ZSCAN5A: variants seen among roughly 807,000 people sequenced by gnomAD.
The protein encoded by ZSCAN5A is zinc finger and SCAN domain-containing protein 5A.
ZSCAN5A carries 12 observed loss-of-function variants against 23.7 expected under a neutral mutation model. That is an observed-to-expected ratio of 0.51 (90% CI 0.32 to 0.82). ZSCAN5A has a LOEUF of 0.82. Among genes scored for constraint, ZSCAN5A ranks in the 40% least tolerant of loss-of-function variants. The pLI is 0.03. For synonymous variants in ZSCAN5A, 257 were observed against 239.9 expected (o/e 1.07, Z -0.66); for missense variants, 597 against 617.9 (o/e 0.97, Z 0.36).
intron 2 of ZSCAN5A, among the ~76,000 whole-genome samples, chr19:56,359,776 A>G (rs1310517718): frequency 2.0e-5 from 3 of 152,230 alleles, no homozygotes; most frequent in Non-Finnish European, 4.4e-5. Flanking sequence ...GGTTCAATAC[A>G]TGAAATCAAT....
chr19:56,309,211 A>G (rs1035804142), intron 2 of ZSCAN5A, among the ~76,000 whole-genome samples: 3 of 152,248 alleles, frequency 2.0e-5, no homozygotes, highest in Non-Finnish European at 2.9e-5. Context: ...AAGATCACAC[A>G]GTAGATGATG....
Position 56,221,619 on chromosome 19 carries a change from A to G in ZSCAN5A, c.1447T>C (p.Leu483=). 1 of 1,611,594 alleles carries G rather than the reference A, an allele frequency of 6.2e-7. No homozygotes were observed. The change falls in exon 6 of 6, where the codon TTA becomes CTA. Residue 483 remains leucine, a synonymous_variant. Coordinates refer to ENST00000683990, the MANE Select transcript of ZSCAN5A (RefSeq NM_001322064.3). ...CPRAFSRLKL[L]RRHQKTHPEA... ...GGATGTGTTTTCTGGTGGCGTCTTA[A>G]CAATTTCAGCCGACTGAAGGCTCTT...
At chr19:56,320,238 A>T (rs971860168) in intron 2 of ZSCAN5A, 3 of 554,214 alleles carry the variant, frequency 5.4e-6, no homozygotes, top group Non-Finnish European at 6.9e-6. Context: ...TAGTTCAACA[A>T]TCCTGAGTAG....
At chr19:56,223,201 A>G (rs548029971) in intron 4 of ZSCAN5A, among the ~76,000 whole-genome samples, 1 of 152,172 alleles carries the variant, frequency 6.6e-6, no homozygotes, top group Non-Finnish European at 1.5e-5. Flanking sequence ...GACACACAAA[A>G]GCATCTCCAG....
At position 56,221,834 on chromosome 19, in the gene ZSCAN5A, G is replaced by A; in HGVS notation, c.1232C>T (p.Pro411Leu). Residue 411 changes from proline to leucine, a missense_variant, in exon 6 of 6, where the codon CCC (proline) becomes CTC (leucine). Transcript: ENST00000683990. ...FHQRTHTGER[P>L]YTCDVCQKQF... is the part of the protein sequence containing the mutation. ...CTTCTGGCAGACGTCACACGTGTAG[G>A]GCCTCTCGCCAGTGTGGGTTCGCTG... 6.2e-7 allele frequency: 1 copy of A among 1,614,146 alleles called. No individual in the cohort carries two copies. Among genetic ancestry groups the A allele is most frequent in the Non-Finnish European group, 8.5e-7 (1 of 1,180,008 alleles).
chr19:56,342,596 C>G (rs2041601653), intron 2 of ZSCAN5A: 1 of 404,416 alleles, frequency 2.5e-6, no homozygotes. Context: ...GAAGCTGACT[C>G]TGAACATCCT....
At chr19:56,315,545 C>A (rs918451615), upstream of ZSCAN5A, 1 of 152,334 alleles carries the variant, frequency 6.6e-6, no homozygotes, top group East Asian at 1.9e-4. Flanking sequence ...TTCATAGCTG[C>A]CCACGGGAGG....
intron 2 of ZSCAN5A, chr19:56,285,134 G>A (rs897008904): frequency 1.5e-5 from 6 of 408,052 alleles, no homozygotes; most frequent in Non-Finnish European, 2.0e-5. Context: ...AACACTTCAG[G>A]TATTATCCAA....
intron 2 of ZSCAN5A, among the ~76,000 whole-genome samples, chr19:56,231,207 T>G (rs2034434086): frequency 6.6e-6 from 1 of 152,002 alleles, no homozygotes; most frequent in African/African-American, 2.4e-5. Flanking sequence ...AGCCAGACCC[T>G]TTCTCAAAAA....
intron 2 of ZSCAN5A, among the ~76,000 whole-genome samples, chr19:56,276,368 T>C (rs1235922392): frequency 6.6e-6 from 1 of 152,146 alleles, no homozygotes; most frequent in Non-Finnish European, 1.5e-5. Flanking sequence ...AGAGCATTTA[T>C]CAGGGAAGAG....
chr19:56,260,316 GC>G (rs2037034861), intron 2 of ZSCAN5A, among the ~76,000 whole-genome samples: 1 of 149,510 alleles, frequency 6.7e-6, no homozygotes, highest in African/African-American at 2.5e-5. Flanking sequence ...CAGGGTTCAA[GC>G]AATTCTCCTG....
At chr19:56,308,628 T>G (rs2040851386) in intron 2 of ZSCAN5A, among the ~76,000 whole-genome samples, 1 of 147,688 alleles carries the variant, frequency 6.8e-6, no homozygotes, top group Non-Finnish European at 1.5e-5. Context: ...CCCCCCATAT[T>G]AAATCATTTC....
intron 2 of ZSCAN5A, chr19:56,354,576 G>C (rs1276426455): frequency 6.6e-6 from 1 of 152,168 alleles, no homozygotes; most frequent in Non-Finnish European, 1.5e-5. Context: ...GAAGCTTTTG[G>C]ATAGTGGAAA....
At chr19:56,330,861 T>C (rs1431786559) in intron 2 of ZSCAN5A, among the ~76,000 whole-genome samples, 1 of 152,190 alleles carries the variant, frequency 6.6e-6, no homozygotes, top group East Asian at 1.9e-4. Flanking sequence ...TTTGAGAACT[T>C]AGTAATAAAT....
chr19:56,226,608 T>C (rs144092232), intron 2 of ZSCAN5A, among the ~76,000 whole-genome samples: 3,275 of 151,804 alleles, frequency 0.022, 35 homozygotes, highest in Middle Eastern at 0.045. Flanking sequence ...CTCTGCGCCC[T>C]GTGCTGGGAT....
intron 2 of ZSCAN5A, among the ~76,000 whole-genome samples, chr19:56,359,129 A>AT (rs2041716679): frequency 6.6e-6 from 1 of 152,102 alleles, no homozygotes; most frequent in African/African-American, 2.4e-5. Flanking sequence ...AAATCGACAA[A>AT]TCCAGGAGCT....
At chr19:56,222,417 C>G (rs2033350569) in intron 5 of ZSCAN5A, 91 bp from the exon 6 acceptor site, 1 of 1,569,738 alleles carries the variant, frequency 6.4e-7, no homozygotes, top group African/African-American at 1.4e-5. Flanking sequence ...TGGCTGACAA[C>G]TTCCGCTCAA....
At chr19:56,278,484 A>G (rs2038434882) in intron 2 of ZSCAN5A, among the ~76,000 whole-genome samples, 1 of 152,220 alleles carries the variant, frequency 6.6e-6, no homozygotes, top group Non-Finnish European at 1.5e-5. Context: ...TCACACAGAT[A>G]AGGAGTTGGA....
intron 2 of ZSCAN5A, among the ~76,000 whole-genome samples, chr19:56,270,468 G>A (rs2037770074): frequency 6.6e-6 from 1 of 152,026 alleles, no homozygotes; most frequent in African/African-American, 2.4e-5. Context: ...GTGCAAGAAA[G>A]ATTCAGTGAA....
Sources: allele counts gnomAD v4.1 joint callset (sites outside exome capture counted in the v4.1 genomes callset), GRCh38; gene constraint gnomAD v4.1.1; transcripts MANE v1.5; gene names NCBI Gene and HGNC (gene_info 2026-07-23, HGNC 2026-07-21).